The following VRK1 variants were observed in gnomAD, a reference collection of about 807,000 sequenced individuals.
VRK1 encodes VRK serine/threonine kinase 1, also known as serine/threonine-protein kinase VRK1.
VRK1 carries 33 observed loss-of-function variants against 57.1 expected under a neutral mutation model. That is an observed-to-expected ratio of 0.58 (90% confidence interval 0.44 to 0.77). The LOEUF is 0.77. VRK1 is among the 30% of genes least tolerant of loss of function. VRK1 has a pLI of 0.00. For missense variants in VRK1, 413 were observed against 477.3 expected (o/e 0.87, Z 1.25); for synonymous variants, 137 against 147.8 (o/e 0.93, Z 0.53).
intron 11 of VRK1, among the ~76,000 whole-genome samples, chr14:96,871,485 T>C (rs984649723): frequency 1.3e-5 from 2 of 152,244 alleles, no homozygotes; most frequent in Admixed American, 6.5e-5. Flanking sequence ...AGAACACTCA[T>C]TTATGGAACC....
rs554978841 is a variant in VRK1 at position 96,820,705 on chromosome 14, C to T, written c.-5-12762C>T. On this transcript the variant is annotated intron_variant, in intron 1 of 12. Transcript: ENST00000216639. ...AAATGTCCATTAAAATGATGTATAA[C>T]ATAACCACATTTATTTAAGAATGTA... 1.7e-4 allele frequency among the ~76,000 whole-genome samples: 26 copies of T among 152,284 alleles called. No homozygotes were observed. The South Asian group carries it at 5.2e-3, about 30-fold the overall frequency.
intron 3 of VRK1, among the ~76,000 whole-genome samples, chr14:96,839,917 G>A (rs771713186): frequency 6.6e-5 from 10 of 152,108 alleles, no homozygotes; most frequent in Non-Finnish European, 1.3e-4. Context: ...ATATTTGAGT[G>A]TTGACCGAAC....
At chr14:96,826,399 A>T (rs1470713553) in intron 1 of VRK1, among the ~76,000 whole-genome samples, 3 of 152,246 alleles carry the variant, frequency 2.0e-5, no homozygotes, top group Non-Finnish European at 4.4e-5. Flanking sequence ...AATATGGAAT[A>T]TACCAATGAG....
intron 1 of VRK1, among the ~76,000 whole-genome samples, chr14:96,798,160 T>G (rs1461536920): frequency 6.6e-6 from 1 of 152,206 alleles, no homozygotes; most frequent in Non-Finnish European, 1.5e-5. Flanking sequence ...TAGAGCCGCT[T>G]GTGTGTTTTG....
rs747521306 is a variant in VRK1, at chr14:96,803,168, A to ATT, written c.-6+5740_-6+5741dup. On this transcript the variant is annotated intron_variant, in intron 1 of 12. Coordinates refer to ENST00000216639, the MANE Select transcript of VRK1 (RefSeq NM_003384.3). ...CAAGTGCAAGACTAGTGATGCTGGC[A>ATT]TTTTTTTTTTTTTTTTTTTTGAGGC... Among the ~76,000 whole-genome samples, 18 of 127,898 alleles carry ATT rather than the reference A, an allele frequency of 1.4e-4. 1 individual carries two copies. Among genetic ancestry groups the ATT allele is most frequent in the African/African-American group, 3.8e-4 (13 of 34,014 alleles). The allele number at this position is 127,898 out of a possible 152,430, so 83.9% of individuals were successfully genotyped here.
At chr14:96,827,380 G>A (rs988497001) in intron 1 of VRK1, among the ~76,000 whole-genome samples, 2 of 152,102 alleles carry the variant, frequency 1.3e-5, no homozygotes, top group Admixed American at 1.3e-4. Context: ...GTTGCCATGT[G>A]CTTGTTTTTT....
intron 12 of VRK1, 110 bp from the exon 13 acceptor site, chr14:96,881,067 G>A (rs1206280338): frequency 1.3e-5 from 12 of 958,144 alleles, no homozygotes; most frequent in Non-Finnish European, 1.7e-5. Flanking sequence ...CACGAGAGTC[G>A]ATTTGATTTT....
intron 11 of VRK1, among the ~76,000 whole-genome samples, chr14:96,863,443 GT>G (rs1363395115): frequency 1.3e-5 from 2 of 152,074 alleles, no homozygotes; most frequent in Non-Finnish European, 2.9e-5. Flanking sequence ...TTCCATCTGG[GT>G]TAAGAACAGC....
At chr14:96,857,753 C>T (rs949918432) in intron 10 of VRK1, among the ~76,000 whole-genome samples, 9 of 152,122 alleles carry the variant, frequency 5.9e-5, no homozygotes, top group Admixed American at 3.3e-4. Context: ...GGAGGTCTAT[C>T]CTGACCTTAT....
chr14:96,849,920 G>A (rs912744424), intron 5 of VRK1, among the ~76,000 whole-genome samples: 1 of 152,124 alleles, frequency 6.6e-6, no homozygotes, highest in African/African-American at 2.4e-5. Context: ...GGGACTAAGT[G>A]GGTCCAAGGT....
intron 1 of VRK1, among the ~76,000 whole-genome samples, chr14:96,832,758 C>T (rs1185911730): frequency 6.6e-6 from 1 of 152,168 alleles, no homozygotes; most frequent in Non-Finnish European, 1.5e-5. Context: ...ACCAGCCTTG[C>T]CCAGATGATT....
chr14:96,841,872 A>G (rs1347273513), intron 3 of VRK1, among the ~76,000 whole-genome samples: 1 of 152,044 alleles, frequency 6.6e-6, no homozygotes, highest in East Asian at 1.9e-4. Flanking sequence ...ACAAAACAGT[A>G]ATATTACTGA....
intron 8 of VRK1, among the ~76,000 whole-genome samples, chr14:96,855,814 T>A (rs1047155932): frequency 6.6e-6 from 1 of 152,218 alleles, no homozygotes; most frequent in African/African-American, 2.4e-5. Flanking sequence ...CTTAATAGCA[T>A]ATAAAAATTT....
At chr14:96,853,645 G>T in intron 7 of VRK1, among the ~76,000 whole-genome samples, 1 of 151,352 alleles carries the variant, frequency 6.6e-6, no homozygotes, top group Non-Finnish European at 1.5e-5. Flanking sequence ...GAATTCAAAT[G>T]TGCATTTTTT....
intron 12 of VRK1, among the ~76,000 whole-genome samples, chr14:96,880,282 C>T (rs891586889): frequency 6.6e-5 from 10 of 152,152 alleles, no homozygotes; most frequent in African/African-American, 7.2e-5. Context: ...AAGAATGTTT[C>T]GTACTTTTCA....
At chr14:96,822,246 A>T (rs1324830496) in intron 1 of VRK1, among the ~76,000 whole-genome samples, 4 of 152,184 alleles carry the variant, frequency 2.6e-5, no homozygotes, top group African/African-American at 9.7e-5. Flanking sequence ...TCCTGCACAG[A>T]GTGTGCTGTC....
intron 1 of VRK1, among the ~76,000 whole-genome samples, chr14:96,828,289 T>C (rs1373492975): frequency 6.6e-6 from 1 of 152,176 alleles, no homozygotes; most frequent in Non-Finnish European, 1.5e-5. Flanking sequence ...TACTGCCAAA[T>C]GAATTTTCAA....
At chr14:96,880,115 C>G (rs920775313) in intron 12 of VRK1, among the ~76,000 whole-genome samples, 5 of 151,960 alleles carry the variant, frequency 3.3e-5, no homozygotes, top group African/African-American at 1.2e-4. Flanking sequence ...TTCATATAAG[C>G]TTGAAATTTG....
At chr14:96,810,783 T>C (rs1886160452) in intron 1 of VRK1, among the ~76,000 whole-genome samples, 1 of 152,238 alleles carries the variant, frequency 6.6e-6, no homozygotes, top group Non-Finnish European at 1.5e-5. Flanking sequence ...GTTAGAATCT[T>C]CTTATATCTG....
Sources: allele counts gnomAD v4.1 joint callset (sites outside exome capture counted in the v4.1 genomes callset), GRCh38; gene constraint gnomAD v4.1.1; transcripts MANE v1.5; gene names NCBI Gene and HGNC (gene_info 2026-07-23, HGNC 2026-07-21).